Variants in EXOC4 observed in about 807,000 individuals in gnomAD.
EXOC4 encodes the protein exocyst complex component 4, also known as SEC8-like 1.
Under a neutral mutation model 107.2 loss-of-function variants are expected in EXOC4, and 71 were observed. The observed-to-expected ratio is 0.66, with a 90% CI of 0.55 to 0.81. The LOEUF (loss-of-function observed/expected upper bound fraction) is 0.81. Among genes scored for constraint, EXOC4 ranks in the 30% least tolerant of loss-of-function variants. The probability of loss-of-function intolerance (pLI) is 0.00; values close to 1 mark genes in which losing one functional copy is unlikely to be tolerated. For synonymous variants in EXOC4, 456 were observed against 441.2 expected (o/e 1.03, Z -0.42); for missense variants, 1,108 against 1,189.6 (o/e 0.93, Z 1.01).
intron 6 of EXOC4, among the ~76,000 whole-genome samples, chr7:133,372,200 C>CA (rs1796391981): frequency 6.6e-6 from 1 of 152,142 alleles, no homozygotes; most frequent in Non-Finnish European, 1.5e-5. Context: ...ATTTGAAGCA[C>CA]AAACATTTTA....
chr7:133,832,934 G>A (rs919824146), intron 11 of EXOC4, among the ~76,000 whole-genome samples: 4 of 152,068 alleles, frequency 2.6e-5, no homozygotes, highest in Non-Finnish European at 5.9e-5. Context: ...CATGTAAACT[G>A]TTGAATCTAC....
chr7:133,683,119 T>A (rs1270431742), intron 10 of EXOC4, among the ~76,000 whole-genome samples: 2 of 152,192 alleles, frequency 1.3e-5, no homozygotes, highest in African/African-American at 2.4e-5. Context: ...CTTTTACCCC[T>A]CTCTTTCTTT....
At chr7:133,839,690 T>G (rs1441081385) in intron 11 of EXOC4, among the ~76,000 whole-genome samples, 1 of 152,230 alleles carries the variant, frequency 6.6e-6, no homozygotes, top group Non-Finnish European at 1.5e-5. Context: ...TGACAGGTGC[T>G]TTATAGGAAT....
At chr7:133,529,323 A>AT (rs1800136692) in intron 9 of EXOC4, among the ~76,000 whole-genome samples, 1 of 152,160 alleles carries the variant, frequency 6.6e-6, no homozygotes, top group Non-Finnish European at 1.5e-5. Context: ...TTAAGGACAG[A>AT]TTTTCACAAT....
intron 11 of EXOC4, among the ~76,000 whole-genome samples, chr7:133,867,432 C>T (rs1798664275): frequency 6.6e-6 from 1 of 152,192 alleles, no homozygotes; most frequent in African/African-American, 2.4e-5. Flanking sequence ...AAACCTCTTA[C>T]CCCTTCCCAT....
intron 9 of EXOC4, among the ~76,000 whole-genome samples, chr7:133,505,597 G>T (rs1331068833): frequency 1.3e-5 from 2 of 151,948 alleles, no homozygotes; most frequent in Admixed American, 6.6e-5. Context: ...TGAACCTTCT[G>T]TGAGGTCCAG....
chr7:133,958,940 G>A (rs1016391792), intron 14 of EXOC4, among the ~76,000 whole-genome samples: 1 of 152,118 alleles, frequency 6.6e-6, no homozygotes, highest in African/African-American at 2.4e-5. Flanking sequence ...TTTTCCTATT[G>A]GCTGGCATCC....
At chr7:133,909,007 G>A (rs938214584) in intron 12 of EXOC4, among the ~76,000 whole-genome samples, 1 of 152,044 alleles carries the variant, frequency 6.6e-6, no homozygotes, top group Non-Finnish European at 1.5e-5. Flanking sequence ...CTCCCGACAG[G>A]CCCCAGTGTG....
chr7:133,855,082 A>AATATATATATATATAAATATAT (rs1293998031), intron 11 of EXOC4, among the ~76,000 whole-genome samples: 89 of 76,628 alleles, frequency 1.2e-3, no homozygotes, highest in South Asian at 3.0e-3. Flanking sequence ...AATATATCTA[A>AATATATATATATATAAATATAT]ATATATATAA....
intron 11 of EXOC4, among the ~76,000 whole-genome samples, chr7:133,845,704 A>G (rs550265618): frequency 6.6e-6 from 1 of 152,232 alleles, no homozygotes; most frequent in African/African-American, 2.4e-5. Context: ...AACTTGGTAT[A>G]AACAAAACTC....
intron 14 of EXOC4, 49 bp downstream of exon 14, chr7:133,938,118 T>A (rs1800346192): frequency 6.3e-7 from 1 of 1,577,064 alleles, no homozygotes; most frequent in Non-Finnish European, 8.7e-7. Flanking sequence ...GGAACTAGAC[T>A]GAATGCATTC....
intron 10 of EXOC4, among the ~76,000 whole-genome samples, chr7:133,657,734 C>T (rs1803334316): frequency 6.6e-6 from 1 of 152,166 alleles, no homozygotes; most frequent in South Asian, 2.1e-4. Flanking sequence ...CTCTTTGACA[C>T]TTTATACTCA....
At chr7:134,095,264 A>T in the EXOC4 span, among the ~76,000 whole-genome samples, 34 of 152,186 alleles carry the variant, frequency 2.2e-4, no homozygotes, top group African/African-American at 7.5e-4. Context: ...TATAACCAAG[A>T]AGATGAAAGA....
intron 7 of EXOC4, among the ~76,000 whole-genome samples, chr7:133,412,828 A>G (rs532839241): frequency 2.8e-4 from 42 of 152,212 alleles, no homozygotes; most frequent in African/African-American, 1.0e-3. Flanking sequence ...TTTTTTTCCC[A>G]TGAAAATAAA....
At chr7:133,254,130 A>T (rs1262693967) in intron 1 of EXOC4, 1 of 152,170 alleles carries the variant, frequency 6.6e-6, no homozygotes, top group African/African-American at 2.4e-5. Flanking sequence ...CATCTTTTCA[A>T]AACCCAGGGC....
chr7:133,834,156 A>G (rs925162723), intron 11 of EXOC4, among the ~76,000 whole-genome samples: 2 of 152,046 alleles, frequency 1.3e-5, no homozygotes, highest in African/African-American at 4.8e-5. Context: ...AATCTGATCA[A>G]TCTTTTATTC....
chr7:133,883,823 T>C (rs1199176931), intron 11 of EXOC4, among the ~76,000 whole-genome samples: 5 of 152,226 alleles, frequency 3.3e-5, no homozygotes, highest in Admixed American at 6.5e-5. Flanking sequence ...CACCAGCTCT[T>C]GGATGTATAG....
intron 17 of EXOC4, among the ~76,000 whole-genome samples, chr7:134,024,676 C>A (rs989493604): frequency 1.3e-5 from 2 of 152,168 alleles, no homozygotes; most frequent in African/African-American, 2.4e-5. Flanking sequence ...CAAAGTGCAT[C>A]TTCCATCATA....
the EXOC4 span, among the ~76,000 whole-genome samples, chr7:134,098,341 G>C: frequency 2.0e-5 from 3 of 152,166 alleles, no homozygotes; most frequent in Non-Finnish European, 4.4e-5. Context: ...TCATGCCACA[G>C]AGAGTACAGC....
Sources: allele counts gnomAD v4.1 joint callset (sites outside exome capture counted in the v4.1 genomes callset), GRCh38; gene constraint gnomAD v4.1.1; transcripts MANE v1.5; gene names NCBI Gene and HGNC (gene_info 2026-07-23, HGNC 2026-07-21).